Variants in PTPN13 observed in about 807,000 individuals in gnomAD.
The protein encoded by PTPN13 is tyrosine-protein phosphatase non-receptor type 13.
PTPN13 carries 191 observed loss-of-function variants against 284.0 expected under a neutral mutation model. The observed-to-expected ratio is 0.67, with a 90% CI of 0.60 to 0.76. PTPN13 has a LOEUF of 0.76. PTPN13 is among the 30% of genes least tolerant of loss of function. The pLI, the probability that PTPN13 is intolerant of heterozygous loss-of-function variation, is 0.00. For missense variants in PTPN13, 2,797 were observed against 2,939.9 expected (o/e 0.95, Z 1.12); for synonymous variants, 986 against 1,022.3 (o/e 0.96, Z 0.68).
At chr4:86,605,650 T>G (rs1056878405) in intron 1 of PTPN13, among the ~76,000 whole-genome samples, 2 of 151,870 alleles carry the variant, frequency 1.3e-5, no homozygotes, top group African/African-American at 4.8e-5. Context: ...ATAGATAATT[T>G]ACACTTAATG....
intron 2 of PTPN13, among the ~76,000 whole-genome samples, chr4:86,662,292 G>T (rs1726585828): frequency 6.6e-6 from 1 of 151,944 alleles, no homozygotes; most frequent in African/African-American, 2.4e-5. Flanking sequence ...TAATAGGGTG[G>T]TCAAATAAGA....
intron 12 of PTPN13, among the ~76,000 whole-genome samples, chr4:86,733,647 T>G (rs1735188210): frequency 6.6e-6 from 1 of 152,136 alleles, no homozygotes; most frequent in Non-Finnish European, 1.5e-5. Flanking sequence ...CTAGTTTCAC[T>G]TTTAGACTAA....
At chr4:86,771,989 A>G (rs1740050360) in intron 31 of PTPN13, among the ~76,000 whole-genome samples, 1 of 152,148 alleles carries the variant, frequency 6.6e-6, no homozygotes. Flanking sequence ...ACATCAATAC[A>G]TTGCATAATT....
intron 42 of PTPN13, 25 bp from the exon 43 acceptor site, chr4:86,803,684 T>G: frequency 6.2e-7 from 1 of 1,610,922 alleles, no homozygotes; most frequent in South Asian, 1.1e-5. Context: ...GAGGAACTGT[T>G]TTTAAATTGC....
In PTPN13 at chr4:86,779,582, T is replaced by C. The variant is rs144340108; in HGVS notation, c.5892-820T>C. Among the ~76,000 whole-genome samples, 305 of 152,244 alleles carry C rather than the reference T, an allele frequency of 2.0e-3. 1 individual carries two copies. The highest frequency in any genetic ancestry group is 3.4e-3 in the Non-Finnish European group (229 of 68,012). ...TTGGGGGAGAGAAGTTACCACATCCTTCATGGTTGCACACTGCAGATACAA... is the reference window on the plus strand; with the variant it reads ...TTGGGGGAGAGAAGTTACCACATCCCTCATGGTTGCACACTGCAGATACAA... On this transcript the variant is annotated intron_variant, in intron 35 of 47. Coordinates refer to ENST00000411767, the MANE Select transcript of PTPN13 (RefSeq NM_080683.3).
intron 23 of PTPN13, among the ~76,000 whole-genome samples, chr4:86,761,139 AATATATATATATATATAT>A (rs6148556): frequency 4.1e-5 from 5 of 120,694 alleles, no homozygotes; most frequent in African/African-American, 1.6e-4. Flanking sequence ...TGTGTGTGTA[AATATATATATATATATAT>A]ATATATATAT....
chr4:86,752,460 A>G (rs946791438), intron 19 of PTPN13, among the ~76,000 whole-genome samples: 3 of 152,196 alleles, frequency 2.0e-5, no homozygotes, highest in Admixed American at 2.0e-4. Context: ...ATTTCATTCT[A>G]TAGGTAACTC....
intron 3 of PTPN13, 70 bp from the exon 4 acceptor site, chr4:86,686,640 T>G (rs1182025723): frequency 1.0e-6 from 1 of 1,002,282 alleles, no homozygotes; most frequent in Non-Finnish European, 1.5e-6. Flanking sequence ...AATAATCTGT[T>G]TTTATAGCAC....
chr4:86,813,201 T>C (rs530454785), intron 47 of PTPN13, among the ~76,000 whole-genome samples: 6 of 152,330 alleles, frequency 3.9e-5, no homozygotes, highest in African/African-American at 1.4e-4. Context: ...TCACACATAC[T>C]ATATATAAAA....
chr4:86,741,043 A>G (rs536608071), intron 15 of PTPN13, among the ~76,000 whole-genome samples: 44 of 152,360 alleles, frequency 2.9e-4, no homozygotes, highest in Middle Eastern at 6.8e-3. Context: ...TATCACTATC[A>G]GCATTTTTGT....
At chr4:86,725,028 T>C (rs1037397490) in intron 10 of PTPN13, among the ~76,000 whole-genome samples, 1 of 149,004 alleles carries the variant, frequency 6.7e-6, no homozygotes, top group Non-Finnish European at 1.5e-5. Context: ...CCATGTGTTC[T>C]CATTGTTCAT....
intron 2 of PTPN13, among the ~76,000 whole-genome samples, chr4:86,657,326 A>G (rs960460898): frequency 6.6e-6 from 1 of 152,148 alleles, no homozygotes; most frequent in Non-Finnish European, 1.5e-5. Context: ...GCTGGGAGCT[A>G]TAGACTGGAG....
chr4:86,727,355 T>C lies in PTPN13; in HGVS notation c.1608+4921T>C, dbSNP rs1734397493. On this transcript the variant is annotated intron_variant, in intron 10 of 47. Transcript: ENST00000411767. ...AATGAGTTAGGGAGGATTCCCTCTT[T>C]TTCTATTCATTGGAATAGTTTCAGA... Among the ~76,000 whole-genome samples, 2 of 149,794 alleles carry C rather than the reference T, an allele frequency of 1.3e-5. 1 individual carries two copies. Among genetic ancestry groups the C allele is most frequent in the African/African-American group, 4.9e-5 (2 of 41,064 alleles).
At chr4:86,620,614 A>G (rs1721108871) in intron 1 of PTPN13, among the ~76,000 whole-genome samples, 1 of 152,252 alleles carries the variant, frequency 6.6e-6, no homozygotes, top group Non-Finnish European at 1.5e-5. Context: ...CATCATGTCT[A>G]AATAGCCAAC....
intron 25 of PTPN13, 140 bp downstream of exon 25, chr4:86,764,864 T>A: frequency 1.0e-6 from 1 of 966,386 alleles, no homozygotes; most frequent in Non-Finnish European, 1.4e-6. Flanking sequence ...GAATCATATC[T>A]AAAAACTATT....
chr4:86,763,172 T>A lies in PTPN13; in HGVS notation c.3999T>A (p.Asp1333Glu). The A allele has an allele frequency of 6.2e-7, 1 of 1,610,910 alleles. No individual in the cohort carries two copies. The highest frequency in any genetic ancestry group is 1.3e-5 in the African/African-American group (1 of 74,706). The change falls in exon 24 of 48, where the codon GAT (aspartate) becomes GAA (glutamate). Residue 1333 changes from aspartate (D) to glutamate (E), a missense_variant. Asp to Glu is a conservative substitution (Grantham distance 45). Coordinates refer to ENST00000411767, the MANE Select transcript of PTPN13 (RefSeq NM_080683.3). ...AAGCCACTTACTCCAGCAGTCAGGA[T>A]CATCAAACACCAAAACAGGCATAGT... ...MDEATYSSSQ[D>E]HQTPKQESSS... is the part of the protein sequence containing the mutation.
At chr4:86,729,762 A>C (rs540568894) in intron 10 of PTPN13, among the ~76,000 whole-genome samples, 1 of 149,534 alleles carries the variant, frequency 6.7e-6, no homozygotes, top group Non-Finnish European at 1.5e-5. Flanking sequence ...CAAGGTTTTT[A>C]GCTTCCTTGT....
Position 86,753,004 on chromosome 4 carries a change from C to T in PTPN13, c.3167-5C>T. 2 of 1,596,030 alleles carry T rather than the reference C, an allele frequency of 1.3e-6. No individual in the cohort carries two copies. The highest frequency in any genetic ancestry group is 1.3e-5 in the African/African-American group (1 of 74,564). On this transcript the variant is annotated splice_region_variant and splice_polypyrimidine_tract_variant and intron_variant, in intron 19 of 47. Coordinates refer to ENST00000411767, the MANE Select transcript of PTPN13 (RefSeq NM_080683.3). ...GAAATGTCTAATATTTAATTTATGC[C>T]ACAGGAATGACTATGCATAGTTCTG...
chr4:86,799,040 G>A, intron 41 of PTPN13, 61 bp from the exon 42 acceptor site: 2 of 961,166 alleles, frequency 2.1e-6, no homozygotes, highest in South Asian at 1.6e-5. Flanking sequence ...ATCATTCAGG[G>A]CCATGTTTAA....
Sources: allele counts gnomAD v4.1 joint callset (sites outside exome capture counted in the v4.1 genomes callset), GRCh38; gene constraint gnomAD v4.1.1; transcripts MANE v1.5; gene names NCBI Gene and HGNC (gene_info 2026-07-23, HGNC 2026-07-21).